Variants in BCL9L observed in about 807,000 individuals in gnomAD.
BCL9L encodes the protein B-cell CLL/lymphoma 9-like protein.
Under a neutral mutation model 99.4 loss-of-function variants are expected in BCL9L, and 19 were observed. That is an observed-to-expected ratio of 0.19 (90% CI 0.13 to 0.28). The LOEUF (loss-of-function observed/expected upper bound fraction) is 0.28. BCL9L is among the 10% of genes least tolerant of loss of function. The pLI is 1.00. For missense variants in BCL9L, 2,023 were observed against 2,101.6 expected (o/e 0.96, Z 0.73); for synonymous variants, 900 against 854.8 (o/e 1.05, Z -0.92).
At chr11:118,909,822 C>T in intron 3 of BCL9L, 92 bp downstream of exon 3, 1 of 1,598,734 alleles carries the variant, frequency 6.3e-7, no homozygotes, top group Non-Finnish European at 8.6e-7. Context: ...GGCTCCTCTC[C>T]TGGCCAGCAC....
Position 118,901,451 on chromosome 11 carries a change from G to A in BCL9L, c.2292C>T (p.Pro764=), listed in dbSNP as rs61730467. 0.032 allele frequency: 51,971 copies of A among 1,614,072 alleles called. 1,251 individuals are homozygous for A. The highest frequency in any genetic ancestry group is 0.092 in the South Asian group (8,363 of 91,084). ...GQSGLREVDP[P]MGPGNLNMNM... ...TCATGTTGAGGTTGCCTGGCCCCAT[G>A]GGTGGGTCCACCTCCCTCAGCCCAG... Residue 764 remains proline (P), a synonymous_variant, in exon 8 of 10, where the codon CCC becomes CCT. Transcript: ENST00000683865. This position sits in a 1 kb window ranked among gnomAD's most constrained non-coding sequence, Gnocchi z 6.6.
intron 1 of BCL9L, among the ~76,000 whole-genome samples, chr11:118,923,878 C>A (rs542537869): frequency 4.1e-4 from 63 of 152,346 alleles, no homozygotes; most frequent in Non-Finnish European, 9.0e-4. Context: ...ACCTTCCTCA[C>A]CCATTCTCTC....
In BCL9L at chr11:118,896,283, A is replaced by G. The variant is rs1368298663; in HGVS notation, c.*2132T>C. ...CTTCACATATTGTATTTATATATTTATATTTATATATATATTTATATAATG... is the reference window on the plus strand; with the variant it reads ...CTTCACATATTGTATTTATATATTTGTATTTATATATATATTTATATAATG... On this transcript the variant is annotated 3_prime_UTR_variant, in exon 10 of 10. Coordinates refer to ENST00000683865, the MANE Select transcript of BCL9L (RefSeq NM_001378213.1). 6.1e-6 allele frequency: 1 copy of G among 162,988 alleles called. No homozygotes were observed. Among genetic ancestry groups the G allele is most frequent in the Non-Finnish European group, 1.5e-5 (1 of 67,778 alleles). The allele number at this position is 162,988 out of a possible 1,614,324, so 10.1% of individuals were successfully genotyped here. A position where few individuals can be genotyped will look rare whatever the true frequency, so the allele number is the denominator to read the frequency against.
rs936150946 is a variant in BCL9L at position 118,914,876 on chromosome 11, G to A, written c.-77+3950C>T. ...TTGAGGGCCGGGCGCGGTGGCACAC[G>A]CCTGTAATCCCAGCACTTTAGGAGG... is the stretch of plus-strand genomic sequence containing the variant. On this transcript the variant is annotated intron_variant, in intron 2 of 9. Coordinates refer to ENST00000683865, the MANE Select transcript of BCL9L (RefSeq NM_001378213.1). This position sits in a 1 kb window ranked among gnomAD's most constrained non-coding sequence, Gnocchi z 4.4. Among the ~76,000 whole-genome samples the A allele has an allele frequency of 1.6e-4, 24 of 152,306 alleles. No homozygotes were observed. Among genetic ancestry groups the A allele is most frequent in the South Asian group, 6.2e-4 (3 of 4,828 alleles).
Position 118,899,148 on chromosome 11 carries a change from G to A in BCL9L, c.3767C>T (p.Pro1256Leu), listed in dbSNP as rs746120292. The change falls in exon 10 of 10, where the codon CCG becomes CTG. Residue 1256 changes from proline (P) to leucine (L), a missense_variant. By Grantham distance (98) the Pro-to-Leu change is moderately conservative (BLOSUM62 -3). Around this residue, in one of 3 missense-constraint regions of BCL9L, gnomAD observed 902 missense variants for 888.2 expected, o/e 1.02. Coordinates refer to ENST00000683865, the MANE Select transcript of BCL9L (RefSeq NM_001378213.1). ...GGGPGLQQHY[P>L]SGMALPPEDL... is the part of the protein sequence containing the mutation. ...CTCGGGAGGCAGGGCCATGCCTGAC[G>A]GGTAGTGCTGCTGCAGGCCAGGCCC... 5.0e-5 allele frequency: 76 copies of A among 1,509,470 alleles called. No individual in the cohort carries two copies. In the African/African-American group the frequency reaches 5.8e-4, roughly 11 times the overall value. 93.5% of individuals were successfully genotyped at this position (1,509,470 alleles called of 1,614,324 possible).
intron 2 of BCL9L, among the ~76,000 whole-genome samples, chr11:118,911,971 G>A (rs776863481): frequency 6.6e-6 from 1 of 152,232 alleles, no homozygotes; most frequent in Non-Finnish European, 1.5e-5. Context: ...GGCCGTTCAG[G>A]CCTAGGCTCC....
intron 5 of BCL9L, among the ~76,000 whole-genome samples, chr11:118,905,616 G>A (rs1181772968): frequency 1.4e-5 from 2 of 142,944 alleles, no homozygotes; most frequent in Admixed American, 7.0e-5. Flanking sequence ...CAGGAGTTCA[G>A]GACCGGTCTG....
In BCL9L at chr11:118,898,294, G is replaced by GCCCCCAACCCCCCCCCCCCCCCCCCCCC; in HGVS notation, c.*120_*121insGGGGGGGGGGGGGGGGGGGGGTTGGGGG. ...TCCACAAATGCCACTCCCTACACAA[G>GCCCCCAACCCCCCCCCCCCCCCCCCCCC]CCCCCTCCCACCCCCTCCACCCCAC... On this transcript the variant is annotated 3_prime_UTR_variant, in exon 10 of 10. Coordinates refer to ENST00000683865, the MANE Select transcript of BCL9L (RefSeq NM_001378213.1). 1 of 452,312 alleles carries GCCCCCAACCCCCCCCCCCCCCCCCCCCC rather than the reference G, an allele frequency of 2.2e-6. No homozygotes were observed. The highest frequency in any genetic ancestry group is 4.1e-6 in the Non-Finnish European group (1 of 244,762). The allele number at this position is 452,312 out of a possible 1,614,324, so 28.0% of individuals were successfully genotyped here. A position where few individuals can be genotyped will look rare whatever the true frequency, so the allele number is the denominator to read the frequency against.
At chr11:118,904,476 A>G (rs1043398296) in intron 5 of BCL9L, among the ~76,000 whole-genome samples, 8 of 152,114 alleles carry the variant, frequency 5.3e-5, no homozygotes, top group Non-Finnish European at 8.8e-5. Flanking sequence ...GAAAGAAAAA[A>G]CAGTTAGAAA....
In BCL9L at chr11:118,908,379, C is replaced by A. The variant is rs1167486935; in HGVS notation, c.303G>T (p.Val101=). 3.1e-6 allele frequency: 5 copies of A among 1,613,736 alleles called. No homozygotes were observed. Among genetic ancestry groups the A allele is most frequent in the Non-Finnish European group, 4.2e-6 (5 of 1,179,834 alleles). Residue 101 remains valine (V), a synonymous_variant, in exon 4 of 10, where the codon GTG becomes GTT. Coordinates refer to ENST00000683865, the MANE Select transcript of BCL9L (RefSeq NM_001378213.1). ...NSSLKNPQAG[V]PPFSSLKGKV... The stretch of plus-strand genomic sequence containing the variant: ...TGCCCTTGAGCGAGCTGAAAGGGGG[C>A]ACCCCTGCCTGGGGGTTCTTCAGAC...
rs372178661 is a variant in BCL9L, at chr11:118,907,523, C to T, written c.492G>A (p.Pro164=). The part of the protein sequence containing the change: ...PYSGDEWCSG[P]DSEEDDKPIG... The stretch of plus-strand genomic sequence containing the variant: ...TGGGCTTGTCGTCCTCCTCACTGTC[C>T]GGTCCAGAGCACCATTCGTCCCCAC... The change falls in exon 5 of 10, where the codon CCG becomes CCA. Residue 164 remains proline, a synonymous_variant. Coordinates refer to ENST00000683865, the MANE Select transcript of BCL9L (RefSeq NM_001378213.1). 6.8e-6 allele frequency: 11 copies of T among 1,614,072 alleles called. No homozygotes were observed. Among genetic ancestry groups the T allele is most frequent in the African/African-American group, 6.7e-5 (5 of 74,928 alleles).
chr11:118,898,300 T>TCCCACCCCCCCCCCCCCCCCCC lies in BCL9L; in HGVS notation c.*114_*115insGGGGGGGGGGGGGGGGGGTGGG. On this transcript the variant is annotated 3_prime_UTR_variant, in exon 10 of 10. Coordinates refer to ENST00000683865, the MANE Select transcript of BCL9L (RefSeq NM_001378213.1). ...AATGCCACTCCCTACACAAGCCCCCTCCCACCCCCTCCACCCCACCCCGCG... is the reference window on the plus strand; with the variant it reads ...AATGCCACTCCCTACACAAGCCCCCTCCCACCCCCCCCCCCCCCCCCCCCCACCCCCTCCACCCCACCCCGCG... 1 of 185,488 alleles carries TCCCACCCCCCCCCCCCCCCCCC rather than the reference T, an allele frequency of 5.4e-6. No homozygotes were observed. The highest frequency in any genetic ancestry group is 1.0e-5 in the Non-Finnish European group (1 of 98,962). The allele number at this position is 185,488 out of a possible 1,614,324, so 11.5% of individuals were successfully genotyped here. A position where few individuals can be genotyped will look rare whatever the true frequency, so the allele number is the denominator to read the frequency against.
At chr11:118,899,829 C>T (rs1940128069) in intron 9 of BCL9L, 88 bp downstream of exon 9, 1 of 1,488,008 alleles carries the variant, frequency 6.7e-7, no homozygotes, top group East Asian at 2.5e-5. Flanking sequence ...TTCAGAGGCA[C>T]AAAAAAGCCA....
chr11:118,902,292 A>G lies in BCL9L; in HGVS notation c.1451T>C (p.Leu484Pro), dbSNP rs745876463. The G allele has an allele frequency of 6.3e-7, 1 of 1,580,370 alleles. No homozygotes were observed. Among genetic ancestry groups the G allele is most frequent in the Admixed American group, 1.8e-5 (1 of 56,958 alleles). Residue 484 changes from leucine to proline, a missense_variant, in exon 8 of 10, where the codon CTG becomes CCG. Physicochemically the swap from Leu to Pro is moderately conservative, Grantham distance 98. Coordinates refer to ENST00000683865, the MANE Select transcript of BCL9L (RefSeq NM_001378213.1). The surrounding 1 kb of genome is among the most constrained non-coding windows in gnomAD (Gnocchi z 7.8). ...SQTQSLGGPP[L>P]EHEVPGHPPG... Reference sequence around the variant, plus strand: ...GGGGTGCCCAGGCACTTCATGCTCCAGCGGGGGGCCCCCTAGGCTCTGTGT... The same window carrying G: ...GGGGTGCCCAGGCACTTCATGCTCCGGCGGGGGGCCCCCTAGGCTCTGTGT...
In BCL9L at chr11:118,920,979, G is replaced by A. The variant is rs377381657; in HGVS notation, c.-130-2100C>T. ...AGAAGTGAAGCGCATGTGTGTGCCC[G>A]CACACGCACATACACGTGGACGAGA... On this transcript the variant is annotated intron_variant, in intron 1 of 9. Coordinates refer to ENST00000683865, the MANE Select transcript of BCL9L (RefSeq NM_001378213.1). 7.6e-4 allele frequency among the ~76,000 whole-genome samples: 116 copies of A among 152,266 alleles called. 1 individual carries two copies. The South Asian group carries it at 0.018, about 24-fold the overall frequency.
chr11:118,909,668 G>C (rs968804077), intron 3 of BCL9L, among the ~76,000 whole-genome samples: 1 of 152,196 alleles, frequency 6.6e-6, no homozygotes, highest in African/African-American at 2.4e-5. Flanking sequence ...ACCAGAAGCC[G>C]CAAGCATAGC....
Position 118,897,871 on chromosome 11 carries a change from C to A in BCL9L, c.*544G>T. On this transcript the variant is annotated 3_prime_UTR_variant, in exon 10 of 10. Coordinates refer to ENST00000683865, the MANE Select transcript of BCL9L (RefSeq NM_001378213.1). ...GGCTGGCACCTGCCCACCTGGCCAGCCGCCTGCAGGGAGGGGTGGGAGAGG... is the reference window on the plus strand; with the variant it reads ...GGCTGGCACCTGCCCACCTGGCCAGACGCCTGCAGGGAGGGGTGGGAGAGG... 1 of 456,936 alleles carries A rather than the reference C, an allele frequency of 2.2e-6. No homozygotes were observed. The highest frequency in any genetic ancestry group is 1.6e-5 in the South Asian group (1 of 64,516). The allele number at this position is 456,936 out of a possible 1,614,324, so 28.3% of individuals were successfully genotyped here.
At chr11:118,915,497 C>G (rs1317631664) in intron 2 of BCL9L, among the ~76,000 whole-genome samples, 1 of 152,202 alleles carries the variant, frequency 6.6e-6, no homozygotes, top group Non-Finnish European at 1.5e-5. Flanking sequence ...CTCCCCTGCC[C>G]TCCTCTCAGA....
At position 118,902,383 on chromosome 11, in the gene BCL9L, G is replaced by A. The variant is rs776256324; in HGVS notation, c.1360C>T (p.Pro454Ser). The stretch of plus-strand genomic sequence containing the variant: ...AGCCCGCTGGGAGGGGCCGTGGGTG[G>A]CTGCTGGGGGGGAGGGGGGGCTTGT... Reference protein sequence around the residue: ...PAQAPPPPQQPPTAPPSGLKK... With the variant: ...PAQAPPPPQQSPTAPPSGLKK... The change falls in exon 8 of 10, where the codon CCA (proline) becomes TCA (serine). Residue 454 changes from proline (P) to serine (S), a missense_variant. Transcript: ENST00000683865. The surrounding 1 kb of genome is among the most constrained non-coding windows in gnomAD (Gnocchi z 7.8). The A allele has an allele frequency of 2.6e-6, 4 of 1,538,240 alleles. No homozygotes were observed. The highest frequency in any genetic ancestry group is 4.5e-5 in the East Asian group (2 of 44,100).
Sources: allele counts gnomAD v4.1 joint callset (sites outside exome capture counted in the v4.1 genomes callset), GRCh38; gene constraint gnomAD v4.1.1; regional missense constraint gnomAD v4.1.1; non-coding constraint Gnocchi (gnomAD v3.1); transcripts MANE v1.5; gene names NCBI Gene and HGNC (gene_info 2026-07-23, HGNC 2026-07-21).